HS6ST3: variants seen among roughly 807,000 people sequenced by gnomAD.
HS6ST3 encodes heparan sulfate 6-O-sulfotransferase 3.
Under a neutral mutation model 36.7 loss-of-function variants are expected in HS6ST3, and 12 were observed. The ratio of observed to expected loss-of-function variants is 0.33; its 90% CI spans 0.21 to 0.53. The LOEUF (loss-of-function observed/expected upper bound fraction) is 0.53, where lower values mean the gene tolerates loss of function less well. Ranked by LOEUF, HS6ST3 falls within the 20% of genes least tolerant of loss-of-function variation. HS6ST3 has a pLI of 0.95. For synonymous variants in HS6ST3, 240 were observed against 257.5 expected, an observed-to-expected ratio of 0.93 and a Z score of 0.65; for missense variants, 584 against 640.9, an observed-to-expected ratio of 0.91 and a Z score of 0.96.
At chr13:96,206,115 T>C (rs529664123) in intron 1 of HS6ST3, among the ~76,000 whole-genome samples, 7 of 152,146 alleles carry the variant, frequency 4.6e-5, no homozygotes, top group Non-Finnish European at 7.4e-5. Flanking sequence ...TTCAGCAAAG[T>C]CTCAGGATAC....
intron 1 of HS6ST3, among the ~76,000 whole-genome samples, chr13:96,261,052 A>T (rs1712183854): frequency 6.6e-6 from 1 of 152,138 alleles, no homozygotes; most frequent in Non-Finnish European, 1.5e-5. Context: ...ACAACAATTC[A>T]TATATTTGGT....
chr13:96,136,097 AGTTATCACC>A (rs1036889483), intron 1 of HS6ST3, among the ~76,000 whole-genome samples: 1 of 152,182 alleles, frequency 6.6e-6, no homozygotes, highest in African/African-American at 2.4e-5. Context: ...GCTTAAGGTA[AGTTATCACC>A]GTCAGGTGCA....
rs202156777 is a variant in HS6ST3, at chr13:96,239,742, A to G, written c.707+148173A>G. On this transcript the variant is annotated intron_variant, in intron 1 of 1. Coordinates refer to ENST00000376705, the MANE Select transcript of HS6ST3 (RefSeq NM_153456.4). ...GTATATGGAAATTTGTCAGAAATTA[A>G]TAACTTCTATTTTAAGCCTCTTTGG... Among the ~76,000 whole-genome samples the G allele has an allele frequency of 3.3e-5, 5 of 152,346 alleles. No homozygotes were observed. The East Asian group carries it at 7.7e-4, about 23-fold the overall frequency.
At chr13:96,508,009 A>G (rs1311615765) in intron 1 of HS6ST3, among the ~76,000 whole-genome samples, 3 of 152,104 alleles carry the variant, frequency 2.0e-5, no homozygotes, top group South Asian at 4.1e-4. Context: ...TTGAAATTAC[A>G]ATGCTTGTTA....
At chr13:96,453,615 A>G (rs930735550) in intron 1 of HS6ST3, among the ~76,000 whole-genome samples, 1 of 152,148 alleles carries the variant, frequency 6.6e-6, no homozygotes, top group African/African-American at 2.4e-5. Context: ...TTTCAGTAGC[A>G]TTGAAGGAAG....
At chr13:96,233,848 A>T (rs1435296485) in intron 1 of HS6ST3, among the ~76,000 whole-genome samples, 1 of 152,172 alleles carries the variant, frequency 6.6e-6, no homozygotes, top group Non-Finnish European at 1.5e-5. Flanking sequence ...GAATTTAAAT[A>T]TAATTCAGGG....
At chr13:96,137,746 A>T (rs2054009879) in intron 1 of HS6ST3, among the ~76,000 whole-genome samples, 1 of 152,146 alleles carries the variant, frequency 6.6e-6, no homozygotes, top group Non-Finnish European at 1.5e-5. Context: ...CCATGTCAGC[A>T]TTTGACCCTA....
intron 1 of HS6ST3, among the ~76,000 whole-genome samples, chr13:96,295,755 A>G (rs1369213497): frequency 6.6e-6 from 1 of 152,108 alleles, no homozygotes; most frequent in Non-Finnish European, 1.5e-5. Context: ...AGCATACACT[A>G]CGTTAACAAG....
intron 1 of HS6ST3, among the ~76,000 whole-genome samples, chr13:96,419,890 TC>T (rs1566356199): frequency 6.6e-6 from 1 of 152,152 alleles, no homozygotes; most frequent in Non-Finnish European, 1.5e-5. Flanking sequence ...AATGATCTCA[TC>T]TTAAATTGAT....
chr13:96,383,808 G>C (rs1029428614), intron 1 of HS6ST3, among the ~76,000 whole-genome samples: 1 of 152,212 alleles, frequency 6.6e-6, no homozygotes, highest in Admixed American at 6.5e-5. Context: ...ACCTCAGGGT[G>C]AATTCTGATG....
At chr13:96,274,375 C>T (rs901295955) in intron 1 of HS6ST3, among the ~76,000 whole-genome samples, 1 of 151,956 alleles carries the variant, frequency 6.6e-6, no homozygotes, top group Admixed American at 6.6e-5. Context: ...AGGACCAAGG[C>T]AGTTTCCCTA....
intron 1 of HS6ST3, among the ~76,000 whole-genome samples, chr13:96,493,037 C>G (rs1472576270): frequency 1.3e-5 from 2 of 152,198 alleles, no homozygotes; most frequent in Non-Finnish European, 2.9e-5. Flanking sequence ...TTCTCAGAAC[C>G]ACGCTTAGAA....
At chr13:96,431,449 T>C (rs892413041) in intron 1 of HS6ST3, among the ~76,000 whole-genome samples, 6 of 152,214 alleles carry the variant, frequency 3.9e-5, no homozygotes, top group Non-Finnish European at 7.3e-5. Context: ...GGTTTTAACC[T>C]TTCCCTCCCA....
intron 1 of HS6ST3, among the ~76,000 whole-genome samples, chr13:96,214,713 ATC>A (rs2054415629): frequency 6.6e-6 from 1 of 152,170 alleles, no homozygotes; most frequent in Admixed American, 6.5e-5. Context: ...TAACCTGAAT[ATC>A]TCTCCAGTTA....
At chr13:96,141,280 T>C (rs966752948) in intron 1 of HS6ST3, among the ~76,000 whole-genome samples, 3 of 152,134 alleles carry the variant, frequency 2.0e-5, no homozygotes, top group Non-Finnish European at 2.9e-5. Flanking sequence ...ATAAGAACTC[T>C]ATTTCAGGAT....
At position 96,582,369 on chromosome 13, in the gene HS6ST3, G is replaced by T. The variant is rs144797166; in HGVS notation, c.708-250121G>T. Among the ~76,000 whole-genome samples the T allele has an allele frequency of 1.1e-3, 166 of 152,154 alleles. No homozygotes were observed. In the East Asian group the frequency reaches 0.012, roughly 11 times the overall value. On this transcript the variant is annotated intron_variant, in intron 1 of 1. Transcript: ENST00000376705. ...GGATCTGTGGAAACTAGATCTGAGG[G>T]TCTAATTTAAAAGAAATTTCCAAAG...
intron 1 of HS6ST3, among the ~76,000 whole-genome samples, chr13:96,807,433 G>A (rs1388105130): frequency 6.6e-6 from 1 of 152,082 alleles, no homozygotes; most frequent in African/African-American, 2.4e-5. Context: ...AGTATAACTG[G>A]TGCCTTTATG....
In HS6ST3 at chr13:96,204,485, G is replaced by A. The variant is rs574902277; in HGVS notation, c.707+112916G>A. ...AAATATATTCAGGACCTGAACTCAGGTCTGGGTCAAGTGGATAGATATCTA... is the reference window on the plus strand; with the variant it reads ...AAATATATTCAGGACCTGAACTCAGATCTGGGTCAAGTGGATAGATATCTA... On this transcript the variant is annotated intron_variant, in intron 1 of 1. Transcript: ENST00000376705. Among the ~76,000 whole-genome samples, 13 of 152,148 alleles carry A rather than the reference G, an allele frequency of 8.5e-5. 1 individual carries two copies. Among genetic ancestry groups the A allele is most frequent in the African/African-American group, 2.9e-4 (12 of 41,552 alleles).
At position 96,656,140 on chromosome 13, in the gene HS6ST3, A is replaced by C. The variant is rs1359148608; in HGVS notation, c.708-176350A>C. Among the ~76,000 whole-genome samples the C allele has an allele frequency of 3.3e-5, 5 of 152,180 alleles. No individual in the cohort carries two copies. In the East Asian group the frequency reaches 5.8e-4, roughly 18 times the overall value. On this transcript the variant is annotated intron_variant, in intron 1 of 1. Transcript: ENST00000376705. ...AAGATTTTCTTAGGGCTACCATTGA[A>C]GAAGCATTATTGAAGATAACTAATG...
Sources: allele counts gnomAD v4.1 joint callset (sites outside exome capture counted in the v4.1 genomes callset), GRCh38; gene constraint gnomAD v4.1.1; transcripts MANE v1.5; gene names NCBI Gene and HGNC (gene_info 2026-07-23, HGNC 2026-07-21).